Variants in EML4 observed in about 807,000 individuals in gnomAD.
EML4 encodes echinoderm microtubule-associated protein-like 4.
A neutral mutation model predicts 129.0 loss-of-function variants in EML4; 72 were observed. The ratio of observed to expected loss-of-function variants is 0.56; its 90% CI spans 0.46 to 0.68. The LOEUF (loss-of-function observed/expected upper bound fraction) is 0.68, where lower values mean the gene tolerates loss of function less well. Among genes scored for constraint, EML4 ranks in the 30% least tolerant of loss-of-function variants. The probability of loss-of-function intolerance (pLI) is 0.00; values close to 1 mark genes in which losing one functional copy is unlikely to be tolerated. For synonymous variants in EML4, 532 were observed against 405.0 expected, an observed-to-expected ratio of 1.31 and a Z score of -3.77; for missense variants, 1,363 against 1,190.6, an observed-to-expected ratio of 1.14 and a Z score of -2.13.
At chr2:42,259,938 G>T (rs866618749) in intron 3 of EML4, among the ~76,000 whole-genome samples, 1 of 151,498 alleles carries the variant, frequency 6.6e-6, no homozygotes, top group East Asian at 1.9e-4. Context: ...CACCATGTTA[G>T]GCAGGATGGT....
intron 1 of EML4, among the ~76,000 whole-genome samples, chr2:42,223,778 T>C (rs894282656): frequency 6.6e-6 from 1 of 152,134 alleles, no homozygotes; most frequent in African/African-American, 2.4e-5. Flanking sequence ...TAAATATGCA[T>C]AATAGTCTCT....
intron 1 of EML4, among the ~76,000 whole-genome samples, chr2:42,191,040 T>C (rs904164120): frequency 1.3e-5 from 2 of 152,194 alleles, no homozygotes; most frequent in Non-Finnish European, 2.9e-5. Flanking sequence ...ATATCTTACA[T>C]TGAATTTTAT....
intron 17 of EML4, among the ~76,000 whole-genome samples, chr2:42,309,436 A>G (rs1668805169): frequency 1.3e-5 from 2 of 150,842 alleles, no homozygotes; most frequent in African/African-American, 2.5e-5. Context: ...CACCACAAAA[A>G]AAAAAAAAAA....
chr2:42,214,497 T>A (rs1295933396), intron 1 of EML4, among the ~76,000 whole-genome samples: 2 of 152,110 alleles, frequency 1.3e-5, no homozygotes, highest in African/African-American at 4.8e-5. Context: ...AAATGAAGGA[T>A]TTGGGCTAAA....
At chr2:42,190,803 C>G (rs72978882) in intron 1 of EML4, among the ~76,000 whole-genome samples, 4,561 of 152,314 alleles carry the variant, frequency 0.03, 223 homozygotes, top group African/African-American at 0.1. Flanking sequence ...ACAAATGAGC[C>G]TGCTTGTGTT....
At chr2:42,328,312 A>G (rs1669920257) in intron 21 of EML4, among the ~76,000 whole-genome samples, 2 of 152,338 alleles carry the variant, frequency 1.3e-5, no homozygotes, top group South Asian at 4.1e-4. Context: ...CTGCATAATG[A>G]TTCAGAATAA....
intron 1 of EML4, among the ~76,000 whole-genome samples, chr2:42,237,192 C>G (rs952140195): frequency 1.3e-5 from 2 of 152,110 alleles, no homozygotes; most frequent in East Asian, 3.9e-4. Context: ...CCCTCGGCCT[C>G]CTAAAGTGCT....
At chr2:42,282,577 T>A (rs1350752411) in intron 7 of EML4, among the ~76,000 whole-genome samples, 1 of 151,984 alleles carries the variant, frequency 6.6e-6, no homozygotes, top group Non-Finnish European at 1.5e-5. Context: ...TTATTTTCTG[T>A]CGAGATGGGG....
Position 42,282,970 on chromosome 2 carries a change from A to G in EML4, c.939A>G (p.Lys313=), listed in dbSNP as rs1257940380. 1.2e-6 allele frequency: 2 copies of G among 1,601,544 alleles called. No individual in the cohort carries two copies. The highest frequency in any genetic ancestry group is 2.7e-5 in the African/African-American group (2 of 74,108). Residue 313 remains lysine, a splice_region_variant and synonymous_variant, in exon 8 of 23, where the codon AAA becomes AAG. Coordinates refer to ENST00000318522, the MANE Select transcript of EML4 (RefSeq NM_019063.5). ...ACCTGGGCCATACAGACTGTGTGAA[A>G]TGGTTGGTATCATTTAACATTGGTT... ...RHYLGHTDCV[K]CLAIHPDKIR... is the part of the protein sequence containing the mutation.
At chr2:42,238,112 G>A (rs1674789339) in intron 1 of EML4, among the ~76,000 whole-genome samples, 1 of 152,158 alleles carries the variant, frequency 6.6e-6, no homozygotes, top group Non-Finnish European at 1.5e-5. Flanking sequence ...TATGTAAGAT[G>A]TAAGTGGAAC....
chr2:42,279,787 A>G (rs963676120), intron 6 of EML4, among the ~76,000 whole-genome samples: 1 of 150,224 alleles, frequency 6.7e-6, no homozygotes, highest in African/African-American at 2.4e-5. Context: ...TTTTTTTATT[A>G]TTATTATTAT....
At chr2:42,247,801 G>T (rs942024596) in intron 2 of EML4, among the ~76,000 whole-genome samples, 6 of 152,106 alleles carry the variant, frequency 3.9e-5, no homozygotes, top group Admixed American at 3.3e-4. Flanking sequence ...TAAGGAGCTA[G>T]ATCTGTTAAT....
intron 8 of EML4, among the ~76,000 whole-genome samples, 187 bp downstream of exon 8, chr2:42,283,159 A>G (rs981242405): frequency 2.0e-5 from 3 of 152,238 alleles, no homozygotes; most frequent in Non-Finnish European, 2.9e-5. Context: ...GTGGTGTGGT[A>G]TCAGCAGCAA....
At chr2:42,170,768 C>T (rs528697562) in intron 1 of EML4, among the ~76,000 whole-genome samples, 16 of 152,334 alleles carry the variant, frequency 1.1e-4, no homozygotes, top group Middle Eastern at 3.4e-3. Flanking sequence ...TATTCAGACG[C>T]CTTTCTTTTA....
intron 1 of EML4, among the ~76,000 whole-genome samples, chr2:42,241,220 A>T (rs931534376): frequency 6.6e-6 from 1 of 152,162 alleles, no homozygotes; most frequent in African/African-American, 2.4e-5. Flanking sequence ...GCACTATTCT[A>T]CCACAGCTTT....
At chr2:42,277,465 T>C (rs1324036332) in intron 6 of EML4, among the ~76,000 whole-genome samples, 5 of 152,128 alleles carry the variant, frequency 3.3e-5, no homozygotes, top group African/African-American at 1.2e-4. Context: ...GTTGAAACCA[T>C]AGTGTGGGAG....
intron 1 of EML4, among the ~76,000 whole-genome samples, chr2:42,189,516 G>A (rs1671460240): frequency 6.6e-6 from 1 of 152,184 alleles, no homozygotes; most frequent in African/African-American, 2.4e-5. Flanking sequence ...GGAGTTCAAG[G>A]TGGCAATGAG....
intron 1 of EML4, among the ~76,000 whole-genome samples, chr2:42,229,353 A>G (rs1445493863): frequency 6.6e-6 from 1 of 152,222 alleles, no homozygotes; most frequent in Non-Finnish European, 1.5e-5. Context: ...GTATATAGTT[A>G]CTAAATGATG....
intron 1 of EML4, among the ~76,000 whole-genome samples, chr2:42,184,397 A>G (rs1229969399): frequency 1.1e-5 from 1 of 90,080 alleles, no homozygotes; most frequent in Admixed American, 1.8e-4. Flanking sequence ...CCCCCACCCC[A>G]CAACAGGCCC....
Sources: gnomAD v4.1 joint callset for allele counts (sites outside exome capture counted in the v4.1 genomes callset) on GRCh38, gnomAD v4.1.1 for gene constraint, MANE v1.5 for transcripts, NCBI Gene and HGNC (gene_info 2026-07-23, HGNC 2026-07-21) for gene names.